The following HSF2 variants were observed in gnomAD, a reference collection of about 807,000 sequenced individuals.
The protein encoded by HSF2 is heat shock factor protein 2.
In HSF2, 21 loss-of-function variants were observed where a neutral mutation model predicts 65.0. That is an observed-to-expected ratio of 0.32 (90% CI 0.23 to 0.47). HSF2 has a LOEUF of 0.47. Ranked by LOEUF, HSF2 falls within the 20% of genes least tolerant of loss-of-function variation. The pLI is 1.00. For missense variants in HSF2, 499 were observed against 628.1 expected, an observed-to-expected ratio of 0.79 and a Z score of 2.20; for synonymous variants, 225 against 219.1, an observed-to-expected ratio of 1.03 and a Z score of -0.24.
At chr6:122,419,070 A>G in intron 5 of HSF2, 98 bp from the exon 6 acceptor site, 1 of 635,284 alleles carries the variant, frequency 1.6e-6, no homozygotes, top group Non-Finnish European at 2.8e-6. Flanking sequence ...TGAGACTTAG[A>G]GGACAAATTA....
chr6:122,433,009 A>AT lies in HSF2; in HGVS notation c.*795dup, dbSNP rs1413900996. ...TTAGAGGTGACACTCACATGAAACA[A>AT]TTTTTTCTTCTCATAGGAAGCAGTA... is the stretch of plus-strand genomic sequence containing the variant. On this transcript the variant is annotated 3_prime_UTR_variant, in exon 13 of 13. Coordinates refer to ENST00000368455, the MANE Select transcript of HSF2 (RefSeq NM_004506.4). 8 of 152,222 alleles carry AT rather than the reference A, an allele frequency of 5.3e-5. No individual in the cohort carries two copies. The East Asian group carries it at 1.5e-3, about 29-fold the overall frequency. The allele number at this position is 152,222 out of a possible 1,614,324, so 9.4% of individuals were successfully genotyped here. A position where few individuals can be genotyped will look rare whatever the true frequency, so the allele number is the denominator to read the frequency against.
chr6:122,404,103 T>TC (rs779482238), intron 1 of HSF2, among the ~76,000 whole-genome samples: 1 of 152,134 alleles, frequency 6.6e-6, no homozygotes, highest in Non-Finnish European at 1.5e-5. Context: ...TACCCAGCTT[T>TC]CCCCCCTTTT....
chr6:122,399,667 C>G lies in HSF2; in HGVS notation c.-71C>G. 1.6e-6 allele frequency: 2 copies of G among 1,287,608 alleles called. No homozygotes were observed. Among genetic ancestry groups the G allele is most frequent in the Non-Finnish European group, 2.2e-6 (2 of 898,482 alleles). The allele number at this position is 1,287,608 out of a possible 1,614,324, so 79.8% of individuals were successfully genotyped here. On this transcript the variant is annotated 5_prime_UTR_variant, in exon 1 of 13. Coordinates refer to ENST00000368455, the MANE Select transcript of HSF2 (RefSeq NM_004506.4). ...CGTTGTGGGCGTTCTCGGGGAGCTG[C>G]TGCCGTAGCTGCCGCCGCCGCTACC...
chr6:122,420,700 CTTTTTTTTTTTT>C (rs59305295), intron 7 of HSF2, among the ~76,000 whole-genome samples: 54 of 28,588 alleles, frequency 1.9e-3, no homozygotes, highest in Non-Finnish European at 2.7e-3. Context: ...TTATTCATTT[CTTTTTTTTTTTT>C]TTTTTTTTTT....
intron 7 of HSF2, among the ~76,000 whole-genome samples, chr6:122,420,839 G>A (rs1245825941): frequency 2.7e-5 from 4 of 146,460 alleles, no homozygotes; most frequent in African/African-American, 1.0e-4. Context: ...AGTCTCCTGA[G>A]TAGCTGGGAC....
At chr6:122,406,467 T>C (rs1773869351) in intron 1 of HSF2, among the ~76,000 whole-genome samples, 1 of 152,072 alleles carries the variant, frequency 6.6e-6, no homozygotes, top group African/African-American at 2.4e-5. Flanking sequence ...CCTAGATCTA[T>C]AGTAAGAAGA....
intron 11 of HSF2, 27 bp downstream of exon 11, chr6:122,427,983 A>T (rs774821411): frequency 1.2e-5 from 18 of 1,479,940 alleles, no homozygotes; most frequent in Non-Finnish European, 1.2e-5. Flanking sequence ...GTTGCTCAGG[A>T]CCCATAGCTA....
At chr6:122,422,673 T>G in intron 8 of HSF2, 45 bp from the exon 9 acceptor site, 2 of 1,597,754 alleles carry the variant, frequency 1.3e-6, no homozygotes, top group African/African-American at 1.3e-5. Context: ...ATGAACTTAT[T>G]AAATTTGAAA....
At chr6:122,431,338 A>C (rs1774461008) in intron 11 of HSF2, 92 bp from the exon 12 acceptor site, 2 of 487,770 alleles carry the variant, frequency 4.1e-6, no homozygotes, top group Non-Finnish European at 7.0e-6. Context: ...TTCAGATAAT[A>C]TACCAGTATT....
intron 11 of HSF2, 46 bp from the exon 12 acceptor site, chr6:122,431,384 C>A: frequency 1.1e-6 from 1 of 927,032 alleles, no homozygotes; most frequent in East Asian, 3.0e-5. Flanking sequence ...TTTTCAGAAA[C>A]ATAAAATATG....
At chr6:122,418,515 AATTAAAT>A (rs1774169758) in intron 5 of HSF2, among the ~76,000 whole-genome samples, 1 of 152,228 alleles carries the variant, frequency 6.6e-6, no homozygotes, top group Non-Finnish European at 1.5e-5. Flanking sequence ...CTCTAAATTT[AATTAAAT>A]ATTAAAGATT....
At chr6:122,428,397 G>C (rs1774383644) in intron 11 of HSF2, among the ~76,000 whole-genome samples, 1 of 151,774 alleles carries the variant, frequency 6.6e-6, no homozygotes, top group Admixed American at 6.6e-5. Context: ...TTGCAGAAAA[G>C]GGAAGTTGAA....
intron 4 of HSF2, among the ~76,000 whole-genome samples, chr6:122,414,760 G>C (rs1271482749): frequency 1.3e-5 from 2 of 152,092 alleles, no homozygotes; most frequent in African/African-American, 4.8e-5. Context: ...CTAGTAGCTG[G>C]GATTACAGGC....
At chr6:122,425,872 G>A (rs950727975) in intron 10 of HSF2, among the ~76,000 whole-genome samples, 6 of 151,898 alleles carry the variant, frequency 4.0e-5, no homozygotes, top group East Asian at 1.9e-4. Context: ...TTCTAATTCC[G>A]TTACTTTGGG....
intron 1 of HSF2, 41 bp downstream of exon 1, chr6:122,399,871 CCGCCTCCTCACT>C: frequency 7.0e-7 from 1 of 1,425,052 alleles, no homozygotes; most frequent in South Asian, 1.2e-5. Context: ...CCCTGAATAA[CCGCCTCCTCACT>C]CGCTCTCCTG....
intron 7 of HSF2, among the ~76,000 whole-genome samples, chr6:122,420,636 G>GCTT (rs1291499822): frequency 3.1e-5 from 1 of 32,056 alleles, no homozygotes; most frequent in East Asian, 1.2e-3. Flanking sequence ...TTATAGTGTG[G>GCTT]CTTTTTTTTA....
At chr6:122,421,673 CTG>C (rs1338604270) in intron 7 of HSF2, among the ~76,000 whole-genome samples, 2 of 151,722 alleles carry the variant, frequency 1.3e-5, no homozygotes, top group African/African-American at 4.8e-5. Flanking sequence ...TAACATGTAA[CTG>C]AGAGAGGTGA....
At chr6:122,406,320 G>C (rs1773866019) in intron 1 of HSF2, among the ~76,000 whole-genome samples, 2 of 152,106 alleles carry the variant, frequency 1.3e-5, no homozygotes, top group Admixed American at 1.3e-4. Context: ...AGAAAAGATG[G>C]GCCAAAGGGG....
chr6:122,405,898 G>C lies in HSF2; in HGVS notation c.93+6068G>C, dbSNP rs551003240. On this transcript the variant is annotated intron_variant, in intron 1 of 12. Transcript: ENST00000368455. Reference sequence around the variant, plus strand: ...AAAACTGTTTATGGGGAGATATCTTGTTAGAGATACTCTGCTTTGAAACCT... The same window carrying C: ...AAAACTGTTTATGGGGAGATATCTTCTTAGAGATACTCTGCTTTGAAACCT... Among the ~76,000 whole-genome samples the C allele has an allele frequency of 7.9e-5, 12 of 152,286 alleles. No individual in the cohort carries two copies. In the South Asian group the frequency reaches 2.5e-3, roughly 32 times the overall value.
Sources: allele counts gnomAD v4.1 joint callset (sites outside exome capture counted in the v4.1 genomes callset), GRCh38; gene constraint gnomAD v4.1.1; transcripts MANE v1.5; gene names NCBI Gene and HGNC (gene_info 2026-07-23, HGNC 2026-07-21).